Variants in GNAO1 observed in about 807,000 individuals in gnomAD.
GNAO1 encodes the protein guanine nucleotide-binding protein G(o) subunit alpha.
For synonymous variants in GNAO1, 164 were observed against 180.7 expected (o/e 0.91, Z 0.74); for missense variants, 166 against 478.7 (o/e 0.35, Z 6.10).
intron 4 of GNAO1, among the ~76,000 whole-genome samples, chr16:56,334,228 G>A (rs1412481670): frequency 1.3e-5 from 2 of 152,248 alleles, no homozygotes; most frequent in African/African-American, 4.8e-5. Flanking sequence ...GAACTGCTCA[G>A]GGGCCGCTGA....
At chr16:56,325,822 C>T (rs1396230396) in intron 3 of GNAO1, among the ~76,000 whole-genome samples, 1 of 152,174 alleles carries the variant, frequency 6.6e-6, no homozygotes, top group Admixed American at 6.5e-5. Context: ...ACCTAAATAC[C>T]ATGACACTTC....
At chr16:56,253,729 G>A (rs984573099) in intron 2 of GNAO1, among the ~76,000 whole-genome samples, 6 of 152,284 alleles carry the variant, frequency 3.9e-5, no homozygotes, top group African/African-American at 7.2e-5. Flanking sequence ...GATTTGACCC[G>A]ATGGGCCATG....
chr16:56,300,036 T>TGTGTGCGC (rs753591618), intron 3 of GNAO1, among the ~76,000 whole-genome samples: 2 of 95,112 alleles, frequency 2.1e-5, no homozygotes, highest in African/African-American at 9.5e-5. Context: ...TGTGTGTGTG[T>TGTGTGCGC]GCGCGCGCGC....
chr16:56,330,085 C>T (rs1418823132), intron 4 of GNAO1, among the ~76,000 whole-genome samples: 8 of 152,228 alleles, frequency 5.3e-5, no homozygotes, highest in Non-Finnish European at 1.2e-4. Context: ...AGGCCGGGAG[C>T]GGCTTCCCAT....
intron 2 of GNAO1, among the ~76,000 whole-genome samples, chr16:56,238,374 T>G (rs1357954494): frequency 6.6e-6 from 1 of 152,360 alleles, no homozygotes; most frequent in African/African-American, 2.4e-5. Context: ...GTCTTGCCTG[T>G]GCACGTGGCC....
At chr16:56,286,695 CTGTG>C (rs57968280) in intron 3 of GNAO1, among the ~76,000 whole-genome samples, 30,422 of 144,668 alleles carry the variant, frequency 0.21, 3,280 homozygotes, top group East Asian at 0.38. Flanking sequence ...TCTGTCGCCT[CTGTG>C]TGTGTGTGTG....
rs763223472 is a variant in GNAO1, at chr16:56,192,600, A to C, written c.145A>C (p.Ile49Leu). Residue 49 changes from isoleucine to leucine, a missense_variant, in exon 2 of 9, where the codon ATT becomes CTT. Ile to Leu is a conservative substitution (Grantham distance 5). Coordinates refer to ENST00000262493, the MANE Select transcript of GNAO1 (RefSeq NM_020988.3). Reference sequence around the variant, plus strand: ...GGCTGGAGAATCAGGAAAAAGCACCATTGTGAAGCAGATGAAGTAAGTCCC... The same window carrying C: ...GGCTGGAGAATCAGGAAAAAGCACCCTTGTGAAGCAGATGAAGTAAGTCCC... ...LGAGESGKST[I>L]VKQMKIIHED... The C allele has an allele frequency of 6.3e-7, 1 of 1,596,878 alleles. No homozygotes were observed. The highest frequency in any genetic ancestry group is 8.6e-7 in the Non-Finnish European group (1 of 1,166,018).
In GNAO1 at chr16:56,354,778, C is replaced by A; in HGVS notation, c.878-88C>A. 1 of 775,530 alleles carries A rather than the reference C, an allele frequency of 1.3e-6. No homozygotes were observed. Among genetic ancestry groups the A allele is most frequent in the Non-Finnish European group, 2.2e-6 (1 of 456,432 alleles). 48.0% of individuals were successfully genotyped at this position (775,530 alleles called of 1,614,324 possible). A position where few individuals can be genotyped will look rare whatever the true frequency, so the allele number is the denominator to read the frequency against. ...TCATCCCACTTCCTGGGACACGCCACAACCCACTTCTTGTCTTCATGTCCC... is the reference window on the plus strand; with the variant it reads ...TCATCCCACTTCCTGGGACACGCCAAAACCCACTTCTTGTCTTCATGTCCC... On this transcript the variant is annotated intron_variant, in intron 7 of 8. Coordinates refer to ENST00000262493, the MANE Select transcript of GNAO1 (RefSeq NM_020988.3). The surrounding 1 kb of genome is among the most constrained non-coding windows in gnomAD (Gnocchi z 4.3).
chr16:56,218,650 C>T (rs1430169481), intron 2 of GNAO1, among the ~76,000 whole-genome samples: 2 of 152,184 alleles, frequency 1.3e-5, no homozygotes, highest in Admixed American at 1.3e-4. Context: ...CCAGCTTCTT[C>T]CCTTGCCCAT....
intron 6 of GNAO1, among the ~76,000 whole-genome samples, chr16:56,338,918 T>C (rs2037770242): frequency 1.3e-5 from 2 of 152,184 alleles, no homozygotes; most frequent in African/African-American, 2.4e-5. Flanking sequence ...TTTTCCCCAT[T>C]TCCCCCACCC....
At chr16:56,329,172 A>G (rs1444748771) in intron 4 of GNAO1, 4 of 171,408 alleles carry the variant, frequency 2.3e-5, no homozygotes, top group Non-Finnish European at 4.9e-5. Flanking sequence ...CAACAGCCAT[A>G]TAGGCAGAAA....
At chr16:56,314,570 C>T (rs1368878469) in intron 3 of GNAO1, among the ~76,000 whole-genome samples, 1 of 152,178 alleles carries the variant, frequency 6.6e-6, no homozygotes, top group Non-Finnish European at 1.5e-5. Flanking sequence ...CAACGACATT[C>T]TTCAGTCCAG....
At chr16:56,249,870 T>A (rs922369309) in intron 2 of GNAO1, among the ~76,000 whole-genome samples, 2 of 152,156 alleles carry the variant, frequency 1.3e-5, no homozygotes, top group African/African-American at 4.8e-5. Flanking sequence ...CTGGACAGAT[T>A]TAGCCCTCAT....
At chr16:56,349,896 G>T (rs1478778883) in intron 6 of GNAO1, among the ~76,000 whole-genome samples, 1 of 152,230 alleles carries the variant, frequency 6.6e-6, no homozygotes, top group Non-Finnish European at 1.5e-5. Flanking sequence ...CCGCCATGCT[G>T]CTGTTAGTAT....
intron 2 of GNAO1, among the ~76,000 whole-genome samples, chr16:56,260,571 C>T (rs1298903012): frequency 3.3e-5 from 5 of 152,166 alleles, no homozygotes; most frequent in Non-Finnish European, 7.3e-5. Flanking sequence ...AACAGCTGGG[C>T]TCTCCACAGG....
intron 2 of GNAO1, among the ~76,000 whole-genome samples, chr16:56,271,362 A>T (rs542951579): frequency 3.3e-5 from 5 of 152,300 alleles, no homozygotes; most frequent in African/African-American, 1.2e-4. Context: ...CAGAGGGTAA[A>T]CCCTCAAACA....
At chr16:56,321,917 G>T (rs2037575387) in intron 3 of GNAO1, among the ~76,000 whole-genome samples, 1 of 152,226 alleles carries the variant, frequency 6.6e-6, no homozygotes, top group Non-Finnish European at 1.5e-5. Flanking sequence ...TACCATAGCA[G>T]AATACCATAA....
intron 3 of GNAO1, among the ~76,000 whole-genome samples, chr16:56,294,431 T>C (rs2037264434): frequency 6.6e-6 from 1 of 151,998 alleles, no homozygotes. Context: ...CTCTGGATTC[T>C]TTCTGCTGCC....
At chr16:56,275,294 C>T (rs1334788187) in intron 2 of GNAO1, among the ~76,000 whole-genome samples, 2 of 152,228 alleles carry the variant, frequency 1.3e-5, no homozygotes, top group African/African-American at 4.8e-5. Context: ...GGCAGTGCCA[C>T]GTGGCCTCTG....
Sources: gnomAD v4.1 joint callset for allele counts (sites outside exome capture counted in the v4.1 genomes callset) on GRCh38, gnomAD v4.1.1 for gene constraint, Gnocchi (gnomAD v3.1) non-coding constraint, MANE v1.5 for transcripts, NCBI Gene and HGNC (gene_info 2026-07-23, HGNC 2026-07-21) for gene names.